PARP8: variants seen among roughly 807,000 people sequenced by gnomAD.
PARP8 encodes poly(ADP-ribose) polymerase family member 8, also known as protein mono-ADP-ribosyltransferase PARP8.
PARP8 carries 51 observed loss-of-function variants against 124.1 expected under a neutral mutation model. That is an observed-to-expected ratio of 0.41 (90% CI 0.33 to 0.52). The LOEUF (loss-of-function observed/expected upper bound fraction) is 0.52. Ranked by LOEUF, PARP8 falls within the 20% of genes least tolerant of loss-of-function variation. The pLI, the probability that PARP8 is intolerant of heterozygous loss-of-function variation, is 0.21. For missense variants in PARP8, 860 were observed against 1,018.9 expected (o/e 0.84, Z 2.12); for synonymous variants, 391 against 361.5 (o/e 1.08, Z -0.93).
chr5:50,790,224 G>A (rs1741791862), intron 10 of PARP8, among the ~76,000 whole-genome samples: 1 of 152,124 alleles, frequency 6.6e-6, no homozygotes, highest in East Asian at 1.9e-4. Context: ...TACAATATGT[G>A]TTTAGCATAT....
intron 7 of PARP8, among the ~76,000 whole-genome samples, chr5:50,768,824 C>CT (rs1288201591): frequency 2.6e-5 from 4 of 152,124 alleles, no homozygotes; most frequent in African/African-American, 9.7e-5. Flanking sequence ...GCTTTGTAAT[C>CT]TCTCAGTGGG....
chr5:50,777,191 A>G (rs1740128788), intron 7 of PARP8, among the ~76,000 whole-genome samples: 1 of 152,210 alleles, frequency 6.6e-6, no homozygotes, highest in Non-Finnish European at 1.5e-5. Context: ...GCATCTGTAA[A>G]GCGGAGATGG....
At chr5:50,822,900 T>G (rs1364019321) in intron 17 of PARP8, among the ~76,000 whole-genome samples, 2 of 152,170 alleles carry the variant, frequency 1.3e-5, no homozygotes, top group African/African-American at 4.8e-5. Flanking sequence ...TGGAAATAGT[T>G]TGATGAGCAA....
rs1440294211 is a variant in PARP8, at chr5:50,762,745, T to A, written c.424-403T>A. Among the ~76,000 whole-genome samples the A allele has an allele frequency of 1.8e-4, 27 of 152,336 alleles. No homozygotes were observed. In the East Asian group the frequency reaches 5.2e-3, roughly 29 times the overall value. ...ATGTCTTTCTAGCAATAAGATAGTT[T>A]TCCCAACGAAATGATTCCTTTACCA... On this transcript the variant is annotated intron_variant, in intron 6 of 25. Coordinates refer to ENST00000281631, the MANE Select transcript of PARP8 (RefSeq NM_024615.4).
At chr5:50,693,889 A>T (rs1752758091) in intron 2 of PARP8, among the ~76,000 whole-genome samples, 1 of 151,810 alleles carries the variant, frequency 6.6e-6, no homozygotes, top group African/African-American at 2.4e-5. Context: ...TAACAATTTG[A>T]TATATGTCCT....
chr5:50,788,659 A>C, intron 10 of PARP8, 70 bp downstream of exon 10: 1 of 1,303,486 alleles, frequency 7.7e-7, no homozygotes, highest in Non-Finnish European at 1.1e-6. Flanking sequence ...GTTCATTAAA[A>C]CAAACAAACA....
At chr5:50,682,892 T>A (rs1240465911) in intron 2 of PARP8, among the ~76,000 whole-genome samples, 1 of 152,140 alleles carries the variant, frequency 6.6e-6, no homozygotes, top group Non-Finnish European at 1.5e-5. Context: ...TTTTCCCCCC[T>A]TCCTGAACTA....
intron 2 of PARP8, among the ~76,000 whole-genome samples, chr5:50,707,211 A>G (rs543966504): frequency 5.9e-5 from 9 of 152,210 alleles, no homozygotes; most frequent in Non-Finnish European, 1.2e-4. Context: ...TGTAAGCACA[A>G]TTCTTTAGAT....
intron 2 of PARP8, among the ~76,000 whole-genome samples, chr5:50,709,339 T>C (rs1754482134): frequency 6.6e-6 from 1 of 152,066 alleles, no homozygotes; most frequent in South Asian, 2.1e-4. Flanking sequence ...TTTCATTTTT[T>C]TCTTTTTCTT....
At chr5:50,791,005 C>T (rs1741890319) in intron 10 of PARP8, among the ~76,000 whole-genome samples, 1 of 152,058 alleles carries the variant, frequency 6.6e-6, no homozygotes, top group Non-Finnish European at 1.5e-5. Flanking sequence ...ATTTCATCCT[C>T]ACAATAATTT....
intron 2 of PARP8, among the ~76,000 whole-genome samples, chr5:50,722,427 C>G (rs574265640): frequency 3.3e-5 from 5 of 152,122 alleles, no homozygotes; most frequent in African/African-American, 1.2e-4. Context: ...GAGGATGAAG[C>G]CTTAGCCGAT....
chr5:50,794,362 T>C, intron 11 of PARP8, 30 bp downstream of exon 11: 1 of 1,608,774 alleles, frequency 6.2e-7, no homozygotes, highest in Non-Finnish European at 8.5e-7. Flanking sequence ...GTCATTGTCT[T>C]ACTGAATGCT....
At chr5:50,692,274 A>G (rs1752572507) in intron 2 of PARP8, among the ~76,000 whole-genome samples, 2 of 151,932 alleles carry the variant, frequency 1.3e-5, no homozygotes, top group African/African-American at 4.8e-5. Flanking sequence ...TTAACTCACT[A>G]ATCTCTATCA....
At chr5:50,774,367 G>A (rs914668497) in intron 7 of PARP8, among the ~76,000 whole-genome samples, 2 of 152,102 alleles carry the variant, frequency 1.3e-5, no homozygotes, top group Non-Finnish European at 2.9e-5. Context: ...GAGCTGTTGG[G>A]TACACCTGCA....
intron 2 of PARP8, among the ~76,000 whole-genome samples, chr5:50,711,852 G>C (rs564373718): frequency 4.6e-5 from 7 of 152,196 alleles, no homozygotes; most frequent in African/African-American, 1.7e-4. Context: ...GTTTTCCATA[G>C]TGATTATTAA....
chr5:50,706,596 T>A (rs1393959563), intron 2 of PARP8, among the ~76,000 whole-genome samples: 1 of 152,132 alleles, frequency 6.6e-6, no homozygotes, highest in African/African-American at 2.4e-5. Context: ...ATTTATTTTA[T>A]TTTTTGTTTT....
intron 14 of PARP8, among the ~76,000 whole-genome samples, chr5:50,807,531 A>T (rs1561410043): frequency 6.6e-6 from 1 of 152,076 alleles, no homozygotes; most frequent in Non-Finnish European, 1.5e-5. Context: ...TTTTAAATGT[A>T]GTTTGTGTCT....
intron 7 of PARP8, among the ~76,000 whole-genome samples, chr5:50,766,597 A>G (rs1761083384): frequency 6.6e-6 from 1 of 152,184 alleles, no homozygotes; most frequent in South Asian, 2.1e-4. Context: ...TTTAAGTCAT[A>G]TGAGTAATAG....
At position 50,815,329 on chromosome 5, in the gene PARP8, T is replaced by G. The variant is rs184244664; in HGVS notation, c.1576-103T>G. 5.6e-5 allele frequency: 45 copies of G among 800,742 alleles called. 1 individual carries two copies. The highest frequency in any genetic ancestry group is 1.7e-4 in the Admixed American group (5 of 29,904). 49.6% of individuals were successfully genotyped at this position (800,742 alleles called of 1,614,324 possible). A position where few individuals can be genotyped will look rare whatever the true frequency, so the allele number is the denominator to read the frequency against. On this transcript the variant is annotated intron_variant, in intron 14 of 25. Transcript: ENST00000281631. ...GTATGATTTCCTTTTTAAAAAACAC[T>G]TAAACCTTGCATTTTCTATTTATTA...
Sources: allele counts gnomAD v4.1 joint callset (sites outside exome capture counted in the v4.1 genomes callset), GRCh38; gene constraint gnomAD v4.1.1; transcripts MANE v1.5; gene names NCBI Gene and HGNC (gene_info 2026-07-23, HGNC 2026-07-21).